OCA2: variants seen among roughly 807,000 people sequenced by gnomAD.
The protein encoded by OCA2 is OCA2 melanosomal transmembrane protein.
A neutral mutation model predicts 100.2 loss-of-function variants in OCA2; 77 were observed. The observed-to-expected ratio is 0.77, with a 90% CI of 0.64 to 0.93. The LOEUF is 0.93. OCA2 is among the 40% of genes least tolerant of loss of function. The probability of loss-of-function intolerance (pLI) is 0.00; values close to 1 mark genes in which losing one functional copy is unlikely to be tolerated. For synonymous variants in OCA2, 432 were observed against 439.2 expected (o/e 0.98, Z 0.21); for missense variants, 1,062 against 1,089.1 (o/e 0.98, Z 0.35).
intron 21 of OCA2, among the ~76,000 whole-genome samples, chr15:27,869,596 T>C (rs2036461228): frequency 1.3e-5 from 2 of 152,148 alleles, no homozygotes; most frequent in Admixed American, 1.3e-4. Context: ...ATGCTAGGGC[T>C]CTTCTAATTC....
Position 27,966,825 on chromosome 15 carries a change from G to A in OCA2, c.1504-3C>T. 1 of 1,608,798 alleles carries A rather than the reference G, an allele frequency of 6.2e-7. No homozygotes were observed. Among genetic ancestry groups the A allele is most frequent in the Non-Finnish European group, 8.5e-7 (1 of 1,177,884 alleles). ...GTGAATCCGGCAAAGTCCAGGCCCTGGAAATAAACAAGGGGAAATGAAATG... is the reference window on the plus strand; with the variant it reads ...GTGAATCCGGCAAAGTCCAGGCCCTAGAAATAAACAAGGGGAAATGAAATG... On this transcript the variant is annotated splice_region_variant and splice_polypyrimidine_tract_variant and intron_variant, in intron 14 of 23. Transcript: ENST00000354638.
chr15:27,895,431 T>C (rs2151618501), intron 19 of OCA2, among the ~76,000 whole-genome samples: 1 of 152,310 alleles, frequency 6.6e-6, no homozygotes, highest in African/African-American at 2.4e-5. Flanking sequence ...TCCTACAGAC[T>C]TGTTGAATGG....
At chr15:27,846,567 C>T (rs1322947089) in intron 22 of OCA2, among the ~76,000 whole-genome samples, 3 of 152,166 alleles carry the variant, frequency 2.0e-5, no homozygotes, top group Non-Finnish European at 4.4e-5. Context: ...TGCCCATTTT[C>T]CAATTAAAAT....
At chr15:28,010,804 C>A (rs2141196540) in intron 9 of OCA2, among the ~76,000 whole-genome samples, 1 of 152,278 alleles carries the variant, frequency 6.6e-6, no homozygotes, top group South Asian at 2.1e-4. Flanking sequence ...AGAAATGTAA[C>A]TTTATTCCAA....
chr15:28,035,527 G>C (rs1222810426), intron 2 of OCA2, among the ~76,000 whole-genome samples: 1 of 152,112 alleles, frequency 6.6e-6, no homozygotes, highest in East Asian at 1.9e-4. Context: ...TTTTCCAGAG[G>C]TTGAAAATAA....
chr15:27,984,733 G>A (rs574571449), intron 13 of OCA2, among the ~76,000 whole-genome samples: 5 of 152,224 alleles, frequency 3.3e-5, no homozygotes, highest in Non-Finnish European at 7.4e-5. Flanking sequence ...GCTAATTTCT[G>A]TATTTTTAGT....
the OCA2 span, among the ~76,000 whole-genome samples, chr15:27,719,341 C>CGTTTGT: frequency 9.9e-5 from 15 of 152,124 alleles, no homozygotes; most frequent in Non-Finnish European, 1.3e-4. Context: ...AAAAGGACAC[C>CGTTTGT]AGTCGTATTT....
downstream of OCA2, among the ~76,000 whole-genome samples, chr15:27,752,123 C>T (rs189431104): frequency 6.6e-6 from 1 of 152,338 alleles, no homozygotes; most frequent in East Asian, 1.9e-4. Flanking sequence ...TAAGGCACAG[C>T]TCCTCATGCA....
At chr15:27,887,538 A>T (rs1352226449) in intron 19 of OCA2, among the ~76,000 whole-genome samples, 1 of 150,596 alleles carries the variant, frequency 6.6e-6, no homozygotes, top group Non-Finnish European at 1.5e-5. Flanking sequence ...CACACCTGGG[A>T]TCTCAGGCCA....
chr15:28,028,210 G>T, intron 3 of OCA2, 151 bp from the exon 4 acceptor site: 1 of 918,902 alleles, frequency 1.1e-6, no homozygotes, highest in Non-Finnish European at 1.7e-6. Flanking sequence ...ATACTGGTGG[G>T]AATGGGTTTT....
At chr15:27,856,764 C>A (rs1237007870) in intron 21 of OCA2, among the ~76,000 whole-genome samples, 1 of 151,898 alleles carries the variant, frequency 6.6e-6, no homozygotes, top group African/African-American at 2.4e-5. Context: ...TTAAGGAAAT[C>A]TTTGTCAGTC....
intron 12 of OCA2, among the ~76,000 whole-genome samples, chr15:27,985,762 G>A (rs1445919043): frequency 1.3e-5 from 2 of 149,744 alleles, no homozygotes; most frequent in African/African-American, 4.9e-5. Context: ...GTGTGATCTC[G>A]GCTCACTGCA....
intron 2 of OCA2, among the ~76,000 whole-genome samples, chr15:28,054,625 T>C (rs182222242): frequency 6.6e-6 from 1 of 152,342 alleles, no homozygotes; most frequent in African/African-American, 2.4e-5. Flanking sequence ...TAAGGATTTC[T>C]TCACATGTGC....
intron 18 of OCA2, among the ~76,000 whole-genome samples, chr15:27,929,825 A>AAAT (rs71132826): frequency 3.4e-5 from 5 of 149,080 alleles, no homozygotes; most frequent in Admixed American, 6.8e-5. Context: ...CAAATGGGAA[A>AAAT]TATTTTAAAC....
intron 23 of OCA2, among the ~76,000 whole-genome samples, chr15:27,827,386 C>A (rs2034771046): frequency 6.6e-6 from 1 of 152,104 alleles, no homozygotes; most frequent in African/African-American, 2.4e-5. Flanking sequence ...GCCTGGTGCT[C>A]AGGTAATTCC....
rs550828808 is a variant in OCA2 at position 28,076,414 on chromosome 15, C to A, written c.227+5234G>T. On this transcript the variant is annotated intron_variant, in intron 2 of 23. Coordinates refer to ENST00000354638, the MANE Select transcript of OCA2 (RefSeq NM_000275.3). ...AAATATATTCCTGCTAAGTGGAAGA[C>A]CAAAAGGTAATTAGCTAATTTTGAA... Among the ~76,000 whole-genome samples the A allele has an allele frequency of 2.0e-5, 3 of 152,188 alleles. No homozygotes were observed. In the East Asian group the frequency reaches 5.8e-4, roughly 29 times the overall value.
At chr15:28,092,150 A>G (rs2044880337) in intron 1 of OCA2, among the ~76,000 whole-genome samples, 1 of 152,196 alleles carries the variant, frequency 6.6e-6, no homozygotes, top group East Asian at 1.9e-4. Context: ...CCATGTATAT[A>G]TAAAATCTTC....
chr15:27,983,297 G>C (rs1192303408), intron 14 of OCA2, 48 bp downstream of exon 14: 17 of 1,611,680 alleles, frequency 1.1e-5, no homozygotes, highest in Non-Finnish European at 1.4e-5. Flanking sequence ...CTCTAACTAA[G>C]TGGAGGTGTG....
chr15:27,825,294 C>T (rs1392193963), intron 23 of OCA2, among the ~76,000 whole-genome samples: 4 of 152,146 alleles, frequency 2.6e-5, no homozygotes, highest in African/African-American at 9.7e-5. Flanking sequence ...CCCAAGCCCA[C>T]GCGTCAGGAA....
Sources: allele counts gnomAD v4.1 joint callset (sites outside exome capture counted in the v4.1 genomes callset), GRCh38; gene constraint gnomAD v4.1.1; transcripts MANE v1.5; gene names NCBI Gene and HGNC (gene_info 2026-07-23, HGNC 2026-07-21).